IGF1: variants seen among roughly 807,000 people sequenced by gnomAD.
The protein encoded by IGF1 is insulin like growth factor 1, also known as insulin-like growth factor 1.
IGF1 carries 4 observed loss-of-function variants against 13.8 expected under a neutral mutation model. The ratio of observed to expected loss-of-function variants is 0.29; its 90% CI spans 0.14 to 0.66. IGF1 has a LOEUF of 0.66. IGF1 is among the 30% of genes least tolerant of loss of function. The pLI, the probability that IGF1 is intolerant of heterozygous loss-of-function variation, is 0.78. For missense variants in IGF1, 124 were observed against 188.5 expected (o/e 0.66, Z 2.00); for synonymous variants, 76 against 72.6 (o/e 1.05, Z -0.23).
rs5742640 is a variant in IGF1, at chr12:102,454,143, C to T, written c.220+21500G>A. Among the ~76,000 whole-genome samples, 14 of 152,306 alleles carry T rather than the reference C, an allele frequency of 9.2e-5. No homozygotes were observed. The South Asian group carries it at 2.7e-3, about 29-fold the overall frequency. On this transcript the variant is annotated intron_variant, in intron 2 of 3. Transcript: ENST00000337514. Reference sequence around the variant, plus strand: ...CTCCTTACTTTGCTGTCTATGTGCTCTTCTATTGAGTTAGTTTCTGTGTCC... The same window carrying T: ...CTCCTTACTTTGCTGTCTATGTGCTTTTCTATTGAGTTAGTTTCTGTGTCC...
rs935953097 is a variant in IGF1, at chr12:102,401,704, G to A, written c.*803C>T. ...GCTCTATATGGAAAAAATAAAAAGA[G>A]GAAAGTTACTAATTAGGTTGCACAT... On this transcript the variant is annotated 3_prime_UTR_variant, in exon 4 of 4. Coordinates refer to ENST00000337514, the MANE Select transcript of IGF1 (RefSeq NM_000618.5). 4 of 152,708 alleles carry A rather than the reference G, an allele frequency of 2.6e-5. No individual in the cohort carries two copies. The highest frequency in any genetic ancestry group is 9.6e-5 in the African/African-American group (4 of 41,570). The allele number at this position is 152,708 out of a possible 1,614,324, so 9.5% of individuals were successfully genotyped here.
At chr12:102,459,080 C>T (rs994693423) in intron 2 of IGF1, among the ~76,000 whole-genome samples, 1 of 152,098 alleles carries the variant, frequency 6.6e-6, no homozygotes, top group Non-Finnish European at 1.5e-5. Flanking sequence ...AGTGGAGAGT[C>T]ATTTAGTAAA....
chr12:102,465,446 G>A (rs1169618774), intron 2 of IGF1, among the ~76,000 whole-genome samples: 1 of 152,200 alleles, frequency 6.6e-6, no homozygotes, highest in Non-Finnish European at 1.5e-5. Flanking sequence ...GTTCAGTAGG[G>A]GAGCTGGGTC....
chr12:102,396,975 G>T lies in IGF1; in HGVS notation c.*5532C>A, dbSNP rs1873243427. 2.5e-6 allele frequency: 1 copy of T among 396,868 alleles called. No individual in the cohort carries two copies. Among genetic ancestry groups the T allele is most frequent in the South Asian group, 1.3e-4 (1 of 7,660 alleles). The allele number at this position is 396,868 out of a possible 1,614,324, so 24.6% of individuals were successfully genotyped here. ...CCCAGCAATTTGGGAGGCTGAGGCG[G>T]GCAAATCACAAGGTCAGGAGTTTGA... On this transcript the variant is annotated 3_prime_UTR_variant, in exon 4 of 4. Coordinates refer to ENST00000337514, the MANE Select transcript of IGF1 (RefSeq NM_000618.5).
intron 2 of IGF1, among the ~76,000 whole-genome samples, chr12:102,442,675 G>A (rs1877969030): frequency 6.6e-6 from 1 of 152,106 alleles, no homozygotes; most frequent in African/African-American, 2.4e-5. Flanking sequence ...AAAAAGGCAA[G>A]TGAGGATAAA....
chr12:102,476,884 T>A (rs938807932), intron 1 of IGF1, among the ~76,000 whole-genome samples: 10 of 152,130 alleles, frequency 6.6e-5, no homozygotes, highest in African/African-American at 2.2e-4. Flanking sequence ...GATCATTAAG[T>A]TTTTCCATAT....
intron 2 of IGF1, among the ~76,000 whole-genome samples, chr12:102,469,311 C>T (rs188278963): frequency 2.0e-5 from 3 of 152,174 alleles, no homozygotes; most frequent in African/African-American, 7.2e-5. Flanking sequence ...TTGAGAAAGA[C>T]CAATTAAACA....
rs1263722962 is a variant in IGF1, at chr12:102,411,101, A to G, written c.402+8408T>C. ...AAGAAGAAAACATATTATTATTTAT[A>G]AAGAGACAAATCAGAGCATTCAATA... On this transcript the variant is annotated intron_variant, in intron 3 of 3. Transcript: ENST00000337514. Among the ~76,000 whole-genome samples the G allele has an allele frequency of 2.6e-5, 4 of 152,344 alleles. No individual in the cohort carries two copies. In the South Asian group the frequency reaches 8.3e-4, roughly 32 times the overall value.
chr12:102,454,199 G>A (rs957700836), intron 2 of IGF1, among the ~76,000 whole-genome samples: 5 of 152,134 alleles, frequency 3.3e-5, no homozygotes, highest in Non-Finnish European at 7.3e-5. Flanking sequence ...AATCCTCCCT[G>A]TACAAGGCCT....
intron 2 of IGF1, among the ~76,000 whole-genome samples, chr12:102,454,117 A>C (rs1879185876): frequency 6.6e-6 from 1 of 151,900 alleles, no homozygotes; most frequent in Non-Finnish European, 1.5e-5. Flanking sequence ...CTGCAAACAT[A>C]CTCCTTACTT....
At chr12:102,473,204 T>C (rs1033904395) in intron 2 of IGF1, among the ~76,000 whole-genome samples, 1 of 152,150 alleles carries the variant, frequency 6.6e-6, no homozygotes, top group Non-Finnish European at 1.5e-5. Context: ...GACCAAAATA[T>C]TCAAGAAAAA....
chr12:102,422,596 A>G (rs1194670151), intron 2 of IGF1, among the ~76,000 whole-genome samples: 2 of 152,234 alleles, frequency 1.3e-5, no homozygotes, highest in Non-Finnish European at 2.9e-5. Flanking sequence ...GAACCACAAT[A>G]AAGATATTTG....
intron 2 of IGF1, among the ~76,000 whole-genome samples, chr12:102,452,028 C>T (rs531914982): frequency 3.2e-4 from 49 of 152,070 alleles, no homozygotes; most frequent in Admixed American, 2.4e-3. Flanking sequence ...TTTGGGAGGC[C>T]GAGGCGGGCG....
chr12:102,433,332 C>T (rs1214416438), intron 2 of IGF1, among the ~76,000 whole-genome samples: 2 of 152,184 alleles, frequency 1.3e-5, no homozygotes, highest in Non-Finnish European at 2.9e-5. Flanking sequence ...GATAACAGGT[C>T]ACTATCTCCT....
rs141216699 is a variant in IGF1 at position 102,422,573 on chromosome 12, G to T, written c.221-2883C>A. On this transcript the variant is annotated intron_variant, in intron 2 of 3. Coordinates refer to ENST00000337514, the MANE Select transcript of IGF1 (RefSeq NM_000618.5). ...TCCATATCTTCAAATGCTACATATT[G>T]TTTATTTTTCCAGAACCACAATAAA... Among the ~76,000 whole-genome samples, 1,031 of 152,282 alleles carry T rather than the reference G, an allele frequency of 6.8e-3. 12 individuals carry two copies. The highest frequency in any genetic ancestry group is 0.024 in the African/African-American group (1,006 of 41,566).
intron 3 of IGF1, among the ~76,000 whole-genome samples, chr12:102,404,409 C>G (rs1015579636): frequency 3.9e-5 from 6 of 152,206 alleles, no homozygotes; most frequent in Non-Finnish European, 4.4e-5. Flanking sequence ...GGCAGGTTTT[C>G]TTACACATGT....
At chr12:102,448,011 T>A (rs1310979019) in intron 2 of IGF1, among the ~76,000 whole-genome samples, 1 of 151,906 alleles carries the variant, frequency 6.6e-6, no homozygotes, top group East Asian at 1.9e-4. Flanking sequence ...GAAAATTTTT[T>A]CAATCTATCC....
Position 102,397,838 on chromosome 12 carries a change from C to A in IGF1, c.*4669G>T, listed in dbSNP as rs886048868. 3.9e-5 allele frequency: 6 copies of A among 152,142 alleles called. No homozygotes were observed. Among genetic ancestry groups the A allele is most frequent in the Non-Finnish European group, 5.9e-5 (4 of 68,008 alleles). 9.4% of individuals were successfully genotyped at this position (152,142 alleles called of 1,614,324 possible). A position where few individuals can be genotyped will look rare whatever the true frequency, so the allele number is the denominator to read the frequency against. Reference sequence around the variant, plus strand: ...GCCATGTGATTTGAATGGAAAGATTCTTTCTTCTGAGGAGAGCCAAACAGG... The same window carrying A: ...GCCATGTGATTTGAATGGAAAGATTATTTCTTCTGAGGAGAGCCAAACAGG... On this transcript the variant is annotated 3_prime_UTR_variant, in exon 4 of 4. Coordinates refer to ENST00000337514, the MANE Select transcript of IGF1 (RefSeq NM_000618.5).
intron 2 of IGF1, among the ~76,000 whole-genome samples, chr12:102,473,367 G>T (rs1880806299): frequency 6.6e-6 from 1 of 152,124 alleles, no homozygotes. Flanking sequence ...CTCATTCAAT[G>T]CTTACACATA....
Sources: allele counts gnomAD v4.1 joint callset (sites outside exome capture counted in the v4.1 genomes callset), GRCh38; gene constraint gnomAD v4.1.1; transcripts MANE v1.5; gene names NCBI Gene and HGNC (gene_info 2026-07-23, HGNC 2026-07-21).